The following FBXL20 variants were observed in gnomAD, a reference collection of about 807,000 sequenced individuals.
The protein encoded by FBXL20 is F-box and leucine rich repeat protein 20, also known as F-box/LRR-repeat protein 20.
In FBXL20, 11 loss-of-function variants were observed where a neutral mutation model predicts 64.0. The observed-to-expected ratio is 0.17, with a 90% confidence interval of 0.11 to 0.28. FBXL20 has a LOEUF of 0.28. Ranked by LOEUF, FBXL20 falls within the 10% of genes least tolerant of loss-of-function variation. The probability of loss-of-function intolerance (pLI) is 1.00; values close to 1 mark genes in which losing one functional copy is unlikely to be tolerated. For missense variants in FBXL20, 303 were observed against 526.2 expected (o/e 0.58, Z 4.15); for synonymous variants, 184 against 189.0 (o/e 0.97, Z 0.22).
At chr17:39,322,716 T>G (rs1405593142) in intron 2 of FBXL20, among the ~76,000 whole-genome samples, 5 of 152,086 alleles carry the variant, frequency 3.3e-5, no homozygotes, top group Non-Finnish European at 5.9e-5. Context: ...AGTAAAATAA[T>G]GAAACTACTT....
intron 1 of FBXL20, among the ~76,000 whole-genome samples, chr17:39,398,646 C>A (rs1013220922): frequency 6.6e-6 from 1 of 151,994 alleles, no homozygotes; most frequent in African/African-American, 2.4e-5. Context: ...TGCTACACAT[C>A]TGGCTAACAG....
intron 2 of FBXL20, among the ~76,000 whole-genome samples, chr17:39,340,440 G>A (rs550750852): frequency 6.6e-6 from 1 of 152,226 alleles, no homozygotes; most frequent in African/African-American, 2.4e-5. Flanking sequence ...ATGTTGGCCA[G>A]GCTGGTCTCC....
At chr17:39,310,166 AAAG>A (rs960080295) in intron 2 of FBXL20, among the ~76,000 whole-genome samples, 1 of 149,098 alleles carries the variant, frequency 6.7e-6, no homozygotes, top group African/African-American at 2.5e-5. Flanking sequence ...AAAAAAAAAA[AAAG>A]AAAAGAAACG....
intron 1 of FBXL20, among the ~76,000 whole-genome samples, chr17:39,395,286 T>C (rs2048172022): frequency 6.6e-6 from 1 of 152,098 alleles, no homozygotes; most frequent in Non-Finnish European, 1.5e-5. Context: ...TAGCCAGGCA[T>C]GGTGGCATGC....
chr17:39,367,542 C>A (rs1013146137), intron 1 of FBXL20, among the ~76,000 whole-genome samples: 3 of 151,780 alleles, frequency 2.0e-5, no homozygotes, highest in Non-Finnish European at 4.4e-5. Context: ...ATCTCAAACT[C>A]CTGGCCTCAA....
chr17:39,282,895 C>T lies in FBXL20; in HGVS notation c.495-40G>A, dbSNP rs766065861. 1.9e-6 allele frequency: 3 copies of T among 1,608,784 alleles called. No homozygotes were observed. The African/African-American group carries it at 4.0e-5, about 22-fold the overall frequency. On this transcript the variant is annotated intron_variant, in intron 7 of 14. Transcript: ENST00000264658. ...AAATAAGAGAAACATATCACTAAAT[C>T]CAATTCCAAAAACACCAACGTCTCA...
At chr17:39,362,514 G>GT (rs1156403091) in intron 1 of FBXL20, among the ~76,000 whole-genome samples, 1 of 148,758 alleles carries the variant, frequency 6.7e-6, no homozygotes, top group Non-Finnish European at 1.5e-5. Flanking sequence ...GTAGAGAGAG[G>GT]TTTTCTCCAT....
chr17:39,299,698 G>A (rs1019012474), intron 4 of FBXL20, among the ~76,000 whole-genome samples: 5 of 151,452 alleles, frequency 3.3e-5, no homozygotes, highest in East Asian at 1.9e-4. Flanking sequence ...GGAGAATGGC[G>A]TGAACCCAGG....
chr17:39,330,090 C>T (rs1042243070), intron 2 of FBXL20, among the ~76,000 whole-genome samples: 2 of 151,920 alleles, frequency 1.3e-5, no homozygotes, highest in African/African-American at 4.8e-5. Flanking sequence ...GTCAGGAGTT[C>T]AAGACCAGCC....
intron 2 of FBXL20, among the ~76,000 whole-genome samples, chr17:39,323,825 T>C (rs2047381261): frequency 1.3e-5 from 2 of 151,086 alleles, no homozygotes; most frequent in African/African-American, 4.9e-5. Flanking sequence ...CAGGCTGGAG[T>C]GCAGTGATGC....
chr17:39,357,705 G>A (rs113680501), intron 1 of FBXL20, among the ~76,000 whole-genome samples: 1,973 of 152,240 alleles, frequency 0.013, 46 homozygotes, highest in African/African-American at 0.045. Flanking sequence ...ACCATGCCCA[G>A]CTGGCAAATG....
intron 1 of FBXL20, among the ~76,000 whole-genome samples, chr17:39,395,908 G>C (rs980714246): frequency 1.3e-5 from 2 of 151,996 alleles, no homozygotes; most frequent in African/African-American, 2.4e-5. Context: ...CAGGTTAGCA[G>C]AAGAGAGCGT....
chr17:39,253,496 G>A lies in FBXL20; in HGVS notation c.*7964C>T, dbSNP rs544104362. The A allele has an allele frequency of 6.6e-6, 1 of 152,512 alleles. No individual in the cohort carries two copies. The highest frequency in any genetic ancestry group is 2.4e-5 in the African/African-American group (1 of 41,582). 9.4% of individuals were successfully genotyped at this position (152,512 alleles called of 1,614,324 possible). Reference sequence around the variant, plus strand: ...TCTCCTCTTACAGTCAACCTTTGGAGTGGGTAGTCACAGATACTCAGGGCT... The same window carrying A: ...TCTCCTCTTACAGTCAACCTTTGGAATGGGTAGTCACAGATACTCAGGGCT... On this transcript the variant is annotated 3_prime_UTR_variant, in exon 15 of 15. Coordinates refer to ENST00000264658, the MANE Select transcript of FBXL20 (RefSeq NM_032875.3).
intron 2 of FBXL20, among the ~76,000 whole-genome samples, chr17:39,313,655 G>T (rs547168839): frequency 6.6e-6 from 1 of 150,428 alleles, no homozygotes; most frequent in South Asian, 2.1e-4. Context: ...ACTTTTTTGA[G>T]ACGGAGTTTT....
intron 10 of FBXL20, among the ~76,000 whole-genome samples, chr17:39,274,256 T>C (rs756016396): frequency 6.6e-6 from 1 of 152,182 alleles, no homozygotes; most frequent in East Asian, 1.9e-4. Flanking sequence ...ACAAAAAGTG[T>C]AGCCAGGTGT....
At chr17:39,381,274 G>C (rs2048020751) in intron 1 of FBXL20, among the ~76,000 whole-genome samples, 2 of 151,902 alleles carry the variant, frequency 1.3e-5, no homozygotes, top group South Asian at 4.2e-4. Flanking sequence ...GTAGGAGTTT[G>C]AGACCAGCCT....
In FBXL20 at chr17:39,258,865, T is replaced by C. The variant is rs925723132; in HGVS notation, c.*2595A>G. 1 of 152,210 alleles carries C rather than the reference T, an allele frequency of 6.6e-6. No homozygotes were observed. The highest frequency in any genetic ancestry group is 2.4e-5 in the African/African-American group (1 of 41,450). The allele number at this position is 152,210 out of a possible 1,614,324, so 9.4% of individuals were successfully genotyped here. On this transcript the variant is annotated 3_prime_UTR_variant, in exon 15 of 15. Coordinates refer to ENST00000264658, the MANE Select transcript of FBXL20 (RefSeq NM_032875.3). ...TATTAACCACATCTGGAAGTATGTG[T>C]GTATGCACGTATGTATTTTTATGTG...
intron 6 of FBXL20, among the ~76,000 whole-genome samples, chr17:39,295,649 G>A (rs1441515350): frequency 1.3e-5 from 2 of 151,942 alleles, no homozygotes; most frequent in Non-Finnish European, 2.9e-5. Flanking sequence ...GCTATTAAAC[G>A]ATAAAACATA....
chr17:39,361,470 T>C (rs1284835757), intron 1 of FBXL20, among the ~76,000 whole-genome samples: 2 of 152,230 alleles, frequency 1.3e-5, no homozygotes, highest in African/African-American at 4.8e-5. Context: ...CCTCATCTTC[T>C]GTCTCTGGAG....
Sources: gnomAD v4.1 joint callset for allele counts (sites outside exome capture counted in the v4.1 genomes callset) on GRCh38, gnomAD v4.1.1 for gene constraint, MANE v1.5 for transcripts, NCBI Gene and HGNC (gene_info 2026-07-23, HGNC 2026-07-21) for gene names.